Variants in LDLRAD3 observed in about 807,000 individuals in gnomAD.
LDLRAD3 encodes the protein low density lipoprotein receptor class A domain containing 3.
Under a neutral mutation model 29.4 loss-of-function variants are expected in LDLRAD3, and 20 were observed. The ratio of observed to expected loss-of-function variants is 0.68; its 90% CI spans 0.48 to 0.99. The LOEUF is 0.99. Among genes scored for constraint, LDLRAD3 ranks in the 50% least tolerant of loss-of-function variants. The probability of loss-of-function intolerance (pLI) is 0.00; values close to 1 mark genes in which losing one functional copy is unlikely to be tolerated. For missense variants in LDLRAD3, 420 were observed against 454.3 expected (o/e 0.92, Z 0.69); for synonymous variants, 157 against 192.7 (o/e 0.81, Z 1.53).
intron 1 of LDLRAD3, among the ~76,000 whole-genome samples, chr11:36,020,759 C>A (rs1852085222): frequency 6.6e-6 from 1 of 152,074 alleles, no homozygotes; most frequent in South Asian, 2.1e-4. Context: ...GGCCAGGATA[C>A]CCAGGGCACC....
intron 4 of LDLRAD3, among the ~76,000 whole-genome samples, chr11:36,169,565 G>T (rs753961477): frequency 6.6e-6 from 1 of 152,080 alleles, no homozygotes; most frequent in Non-Finnish European, 1.5e-5. Flanking sequence ...TCTGTGCCTG[G>T]CTTATTTCAC....
chr11:36,122,141 T>C (rs559040692), intron 4 of LDLRAD3, among the ~76,000 whole-genome samples: 2 of 152,246 alleles, frequency 1.3e-5, no homozygotes, highest in African/African-American at 4.8e-5. Context: ...ACACAATCCA[T>C]GCACCTTAGG....
intron 1 of LDLRAD3, among the ~76,000 whole-genome samples, chr11:36,030,597 A>G (rs888006099): frequency 2.0e-5 from 3 of 152,038 alleles, no homozygotes; most frequent in Non-Finnish European, 4.4e-5. Context: ...TCTAGACAAG[A>G]TCCGTTTGAG....
chr11:36,167,996 CCCT>C (rs1484896076), intron 4 of LDLRAD3, among the ~76,000 whole-genome samples: 2 of 152,084 alleles, frequency 1.3e-5, no homozygotes, highest in Non-Finnish European at 2.9e-5. Context: ...GTCAGGAATC[CCCT>C]CCTCTTTCTT....
chr11:36,128,318 G>A (rs946143335), intron 4 of LDLRAD3, among the ~76,000 whole-genome samples: 3 of 151,890 alleles, frequency 2.0e-5, no homozygotes, highest in African/African-American at 7.3e-5. Flanking sequence ...GGAGAATATT[G>A]GTCCATCTCA....
chr11:36,136,752 G>A (rs1280295342), intron 4 of LDLRAD3, among the ~76,000 whole-genome samples: 4 of 151,164 alleles, frequency 2.6e-5, no homozygotes, highest in Non-Finnish European at 5.9e-5. Flanking sequence ...GTACAGTGGC[G>A]CGATCTTAGC....
chr11:36,176,146 G>A (rs1439690805), intron 4 of LDLRAD3, among the ~76,000 whole-genome samples: 1 of 152,080 alleles, frequency 6.6e-6, no homozygotes, highest in Non-Finnish European at 1.5e-5. Flanking sequence ...CATTTGCATA[G>A]ACTGTCTTTT....
chr11:36,166,764 A>C (rs1235523417), intron 4 of LDLRAD3, among the ~76,000 whole-genome samples: 4 of 152,174 alleles, frequency 2.6e-5, no homozygotes, highest in Non-Finnish European at 5.9e-5. Context: ...GTACACACAA[A>C]TCATCTGGGG....
At chr11:35,953,227 C>T (rs550208525) in intron 1 of LDLRAD3, among the ~76,000 whole-genome samples, 4 of 152,274 alleles carry the variant, frequency 2.6e-5, no homozygotes, top group South Asian at 2.1e-4. Flanking sequence ...AGTGTGCAGA[C>T]GATGTTGTCT....
chr11:36,033,124 C>T (rs373322588), intron 1 of LDLRAD3, among the ~76,000 whole-genome samples: 5 of 152,154 alleles, frequency 3.3e-5, no homozygotes, highest in African/African-American at 1.2e-4. Flanking sequence ...CCACCCGCCT[C>T]GGCCTCCCAA....
chr11:36,170,332 A>ATATATGTG, intron 4 of LDLRAD3, among the ~76,000 whole-genome samples: 1 of 145,342 alleles, frequency 6.9e-6, no homozygotes, highest in East Asian at 2.0e-4. Context: ...GTATATATGT[A>ATATATGTG]CGTATATACG....
At chr11:36,019,866 G>A (rs1852072239) in intron 1 of LDLRAD3, among the ~76,000 whole-genome samples, 1 of 152,214 alleles carries the variant, frequency 6.6e-6, no homozygotes, top group Non-Finnish European at 1.5e-5. Context: ...CTGCCACCCA[G>A]TGCAGAGCAG....
intron 1 of LDLRAD3, among the ~76,000 whole-genome samples, chr11:35,981,524 G>A (rs1047464124): frequency 6.6e-6 from 1 of 152,126 alleles, no homozygotes; most frequent in African/African-American, 2.4e-5. Flanking sequence ...TCTGATAGCT[G>A]GTGCACACGC....
chr11:36,050,377 A>G (rs759582857), intron 2 of LDLRAD3, among the ~76,000 whole-genome samples: 5 of 152,194 alleles, frequency 3.3e-5, no homozygotes, highest in Non-Finnish European at 7.3e-5. Context: ...CTCAGACCAC[A>G]TATTCAGATT....
chr11:36,089,931 A>G (rs1030166077), intron 3 of LDLRAD3, among the ~76,000 whole-genome samples: 1 of 152,078 alleles, frequency 6.6e-6, no homozygotes, highest in African/African-American at 2.4e-5. Context: ...TATAATAAAC[A>G]TTTATTGAGC....
At chr11:36,226,553 T>C (rs147905936) in intron 4 of LDLRAD3, among the ~76,000 whole-genome samples, 58 of 152,326 alleles carry the variant, frequency 3.8e-4, no homozygotes, top group African/African-American at 1.4e-3. Context: ...GTACTTAAAA[T>C]TTGCCCATTT....
At chr11:36,001,519 T>C (rs896508584) in intron 1 of LDLRAD3, among the ~76,000 whole-genome samples, 2 of 152,194 alleles carry the variant, frequency 1.3e-5, no homozygotes, top group African/African-American at 4.8e-5. Flanking sequence ...TCTAATAATT[T>C]GGGTGAAATG....
intron 1 of LDLRAD3, among the ~76,000 whole-genome samples, chr11:35,957,984 A>T (rs531427966): frequency 6.6e-6 from 1 of 152,284 alleles, no homozygotes; most frequent in African/African-American, 2.4e-5. Flanking sequence ...AAGTTTGGCA[A>T]TGAGGATACC....
chr11:36,166,890 C>T (rs1354716773), intron 4 of LDLRAD3, among the ~76,000 whole-genome samples: 2 of 152,124 alleles, frequency 1.3e-5, no homozygotes, highest in African/African-American at 4.8e-5. Flanking sequence ...ATTTGAATAG[C>T]GAGGCTCTAG....
Sources: allele counts gnomAD v4.1 joint callset (sites outside exome capture counted in the v4.1 genomes callset), GRCh38; gene constraint gnomAD v4.1.1; transcripts MANE v1.5; gene names NCBI Gene and HGNC (gene_info 2026-07-23, HGNC 2026-07-21).